XRRA1: variants seen among roughly 807,000 people sequenced by gnomAD.
XRRA1 encodes X-ray radiation resistance-associated protein 1.
XRRA1 carries 69 observed loss-of-function variants against 80.2 expected under a neutral mutation model. That is an observed-to-expected ratio of 0.86 (90% CI 0.71 to 1.05). The LOEUF (loss-of-function observed/expected upper bound fraction) is 1.05, where lower values mean the gene tolerates loss of function less well. Ranked by LOEUF, XRRA1 falls within the 50% of genes least tolerant of loss-of-function variation. The pLI, the probability that XRRA1 is intolerant of heterozygous loss-of-function variation, is 0.00. For missense variants in XRRA1, 967 were observed against 976.4 expected (o/e 0.99, Z 0.13); for synonymous variants, 348 against 389.9 (o/e 0.89, Z 1.27).
At chr11:74,896,923 G>C (rs1757307784) in intron 10 of XRRA1, among the ~76,000 whole-genome samples, 1 of 152,108 alleles carries the variant, frequency 6.6e-6, no homozygotes, top group South Asian at 2.1e-4. Flanking sequence ...AGAAGGACAA[G>C]CACAAATAAG....
At chr11:74,866,967 G>T (rs1210229621) in intron 10 of XRRA1, among the ~76,000 whole-genome samples, 2 of 152,284 alleles carry the variant, frequency 1.3e-5, no homozygotes, top group East Asian at 3.9e-4. Flanking sequence ...TCTGGAGACT[G>T]GGTGGGTGTG....
At chr11:74,890,458 T>G (rs994989504) in intron 10 of XRRA1, among the ~76,000 whole-genome samples, 11 of 152,104 alleles carry the variant, frequency 7.2e-5, no homozygotes, top group African/African-American at 2.4e-4. Flanking sequence ...AGGAAATATC[T>G]AAAATTGACA....
chr11:74,866,504 C>T (rs1220146584), intron 10 of XRRA1, among the ~76,000 whole-genome samples: 3 of 152,124 alleles, frequency 2.0e-5, no homozygotes, highest in African/African-American at 4.8e-5. Context: ...AATCTTCCTA[C>T]TTCAGCCTCC....
chr11:74,858,610 T>A (rs1412732402), intron 12 of XRRA1, among the ~76,000 whole-genome samples: 1 of 152,274 alleles, frequency 6.6e-6, no homozygotes, highest in East Asian at 1.9e-4. Flanking sequence ...AATCTGTCCC[T>A]TATCCTTTAT....
At chr11:74,846,236 ATATT>A (rs1379901723) in intron 15 of XRRA1, 1 of 152,216 alleles carries the variant, frequency 6.6e-6, no homozygotes, top group African/African-American at 2.4e-5. Context: ...TTGTGAATAT[ATATT>A]ATATATACAC....
chr11:74,878,261 C>T (rs2046568335), intron 10 of XRRA1, among the ~76,000 whole-genome samples: 1 of 150,766 alleles, frequency 6.6e-6, no homozygotes, highest in African/African-American at 2.4e-5. Flanking sequence ...TAAATGTCTT[C>T]TTTTGAGAAG....
chr11:74,912,348 A>G (rs1276865227), intron 8 of XRRA1, among the ~76,000 whole-genome samples: 3 of 152,222 alleles, frequency 2.0e-5, no homozygotes, highest in Non-Finnish European at 2.9e-5. Context: ...TGAAAAAAGA[A>G]GGAAATCCAA....
intron 2 of XRRA1, among the ~76,000 whole-genome samples, chr11:74,943,524 G>GTAGGAGGGTGT (rs1946788820): frequency 4.4e-5 from 6 of 137,762 alleles, no homozygotes; most frequent in African/African-American, 1.6e-4. Context: ...AGAGTAGGAG[G>GTAGGAGGGTGT]GTGTGTGTGT....
chr11:74,864,665 G>A (rs2043016173), intron 10 of XRRA1, among the ~76,000 whole-genome samples: 1 of 152,214 alleles, frequency 6.6e-6, no homozygotes, highest in Non-Finnish European at 1.5e-5. Context: ...AGAAGGAGTA[G>A]TGCACACTAG....
At chr11:74,942,117 C>A (rs1438383078) in intron 2 of XRRA1, among the ~76,000 whole-genome samples, 4 of 151,524 alleles carry the variant, frequency 2.6e-5, no homozygotes, top group African/African-American at 7.3e-5. Context: ...AATGTGTGGA[C>A]AAAGGAGGAG....
chr11:74,935,842 T>A (rs1449042311), intron 4 of XRRA1, among the ~76,000 whole-genome samples: 2 of 152,128 alleles, frequency 1.3e-5, no homozygotes, highest in East Asian at 3.8e-4. Flanking sequence ...TAACAAGCTG[T>A]ATTTATTGAA....
rs202056915 is a variant in XRRA1 at position 74,936,991 on chromosome 11, G to A, written c.172C>T (p.Arg58Cys). The A allele has an allele frequency of 1.2e-5, 19 of 1,613,802 alleles. No homozygotes were observed. Among genetic ancestry groups the A allele is most frequent in the Admixed American group, 3.3e-5 (2 of 59,968 alleles). ...PKGLVGAQAE[R>C]RESLKATSFE... ...GAAGTCGCCTTCAGGCTTTCCCGACGTTCAGCTTGTGCTCCAACCAAACCC... is the reference window on the plus strand; with the variant it reads ...GAAGTCGCCTTCAGGCTTTCCCGACATTCAGCTTGTGCTCCAACCAAACCC... Residue 58 changes from arginine (R) to cysteine (C), a missense_variant, in exon 4 of 19, where the codon CGT (arginine) becomes TGT (cysteine). By Grantham distance (180) the Arg-to-Cys change is radical. Coordinates refer to ENST00000684022, the MANE Select transcript of XRRA1 (RefSeq NM_001378157.1).
intron 10 of XRRA1, among the ~76,000 whole-genome samples, chr11:74,905,502 T>A (rs933135236): frequency 2.6e-5 from 4 of 152,060 alleles, no homozygotes; most frequent in Non-Finnish European, 5.9e-5. Flanking sequence ...AAAGGGAGAC[T>A]GCAAAGCTGG....
At chr11:74,915,954 T>G (rs1472352318) in intron 8 of XRRA1, among the ~76,000 whole-genome samples, 1 of 151,626 alleles carries the variant, frequency 6.6e-6, no homozygotes, top group African/African-American at 2.4e-5. Flanking sequence ...GATTGACAGG[T>G]TTTTTTTTCT....
intron 8 of XRRA1, chr11:74,919,097 C>G (rs1245613438): frequency 1.3e-5 from 2 of 152,324 alleles, no homozygotes; most frequent in African/African-American, 2.4e-5. Context: ...TCCCTTCTAA[C>G]AGCCATGTAA....
At chr11:74,945,786 T>C (rs1947383231) in intron 1 of XRRA1, among the ~76,000 whole-genome samples, 1 of 151,758 alleles carries the variant, frequency 6.6e-6, no homozygotes, top group Non-Finnish European at 1.5e-5. Context: ...AACAAACATC[T>C]CTCTTTCTCT....
intron 10 of XRRA1, among the ~76,000 whole-genome samples, chr11:74,868,262 C>G (rs187499985): frequency 2.5e-4 from 38 of 152,118 alleles, no homozygotes; most frequent in African/African-American, 8.5e-4. Flanking sequence ...AATTTCATAT[C>G]CAGCCAAGCT....
chr11:74,870,631 C>T (rs760087316), intron 10 of XRRA1, among the ~76,000 whole-genome samples: 13 of 152,170 alleles, frequency 8.5e-5, no homozygotes, highest in South Asian at 4.1e-4. Context: ...TCTCTCTCCC[C>T]GCTTGCTCTG....
intron 8 of XRRA1, among the ~76,000 whole-genome samples, chr11:74,909,709 CAA>C (rs1439347724): frequency 6.6e-6 from 1 of 152,152 alleles, no homozygotes; most frequent in Non-Finnish European, 1.5e-5. Context: ...TTCAAAGTGG[CAA>C]AGTCTGTCAG....
Sources: allele counts gnomAD v4.1 joint callset (sites outside exome capture counted in the v4.1 genomes callset), GRCh38; gene constraint gnomAD v4.1.1; transcripts MANE v1.5; gene names NCBI Gene and HGNC (gene_info 2026-07-23, HGNC 2026-07-21).